Variants in IPO11 observed in about 807,000 individuals in gnomAD.
The protein encoded by IPO11 is importin-11.
In IPO11, 66 loss-of-function variants were observed where a neutral mutation model predicts 143.2. The ratio of observed to expected loss-of-function variants is 0.46; its 90% CI spans 0.38 to 0.57. IPO11 has a LOEUF of 0.57. Ranked by LOEUF, IPO11 falls within the 20% of genes least tolerant of loss-of-function variation. The pLI, the probability that IPO11 is intolerant of heterozygous loss-of-function variation, is 0.00. For missense variants in IPO11, 1,026 were observed against 1,141.0 expected, an observed-to-expected ratio of 0.90 and a Z score of 1.45; for synonymous variants, 385 against 377.8, an observed-to-expected ratio of 1.02 and a Z score of -0.22.
intron 27 of IPO11, among the ~76,000 whole-genome samples, chr5:62,563,159 T>C (rs1743827850): frequency 6.6e-6 from 1 of 152,224 alleles, no homozygotes; most frequent in Non-Finnish European, 1.5e-5. Context: ...AAATTTAAGT[T>C]ACCTACATTT....
intron 19 of IPO11, among the ~76,000 whole-genome samples, chr5:62,514,011 G>C (rs1235061888): frequency 6.6e-6 from 1 of 151,276 alleles, no homozygotes; most frequent in Non-Finnish European, 1.5e-5. Flanking sequence ...GGGCAGAGAC[G>C]CTCCTCACTT....
At chr5:62,620,382 G>T (rs1249426755) in intron 29 of IPO11, among the ~76,000 whole-genome samples, 2 of 152,132 alleles carry the variant, frequency 1.3e-5, no homozygotes, top group Non-Finnish European at 2.9e-5. Flanking sequence ...AGCCGGGTGT[G>T]GTGGCGGGTG....
intron 5 of IPO11, among the ~76,000 whole-genome samples, chr5:62,462,657 A>G (rs952571585): frequency 2.0e-5 from 3 of 152,136 alleles, no homozygotes; most frequent in African/African-American, 7.2e-5. Flanking sequence ...CAGCCTCCTG[A>G]GTAGCTGGGA....
At chr5:62,486,004 C>T (rs1313205283) in intron 12 of IPO11, among the ~76,000 whole-genome samples, 10 of 134,840 alleles carry the variant, frequency 7.4e-5, no homozygotes, top group African/African-American at 2.5e-4. Flanking sequence ...TTTTTTGAGA[C>T]AGAATCTCAC....
At position 62,423,439 on chromosome 5, in the gene IPO11, A is replaced by G. The variant is rs561381908; in HGVS notation, c.-7+10510A>G. ...AGTAAACAAGGAAGTAAGTACAGCA[A>G]TAGAAGTGTGTACTATGCAGAACAG... On this transcript the variant is annotated intron_variant, in intron 1 of 29. Transcript: ENST00000325324. 5.9e-5 allele frequency among the ~76,000 whole-genome samples: 9 copies of G among 152,346 alleles called. No homozygotes were observed. The East Asian group carries it at 1.5e-3, about 26-fold the overall frequency.
chr5:62,538,920 GGAGA>G (rs1011821311), intron 24 of IPO11, among the ~76,000 whole-genome samples: 6 of 152,174 alleles, frequency 3.9e-5, no homozygotes, highest in African/African-American at 1.4e-4. Flanking sequence ...ACAGGAGTAA[GGAGA>G]GAAATGCTGT....
At chr5:62,599,134 G>T (rs1422541420) in intron 28 of IPO11, among the ~76,000 whole-genome samples, 2 of 152,152 alleles carry the variant, frequency 1.3e-5, no homozygotes, top group East Asian at 1.9e-4. Flanking sequence ...AGACACTATG[G>T]GAGTGGGGCC....
intron 28 of IPO11, among the ~76,000 whole-genome samples, chr5:62,593,446 C>T (rs899056936): frequency 6.6e-6 from 1 of 151,936 alleles, no homozygotes; most frequent in African/African-American, 2.4e-5. Context: ...GTCTGGAATT[C>T]GAGACCAGCC....
intron 6 of IPO11, among the ~76,000 whole-genome samples, chr5:62,468,482 G>C (rs1403029456): frequency 6.6e-6 from 1 of 152,192 alleles, no homozygotes; most frequent in Admixed American, 6.5e-5. Context: ...ATCCATTGTA[G>C]AAGTAGTTAT....
intron 28 of IPO11, among the ~76,000 whole-genome samples, chr5:62,594,802 G>A (rs1745155475): frequency 6.6e-6 from 1 of 152,198 alleles, no homozygotes; most frequent in African/African-American, 2.4e-5. Context: ...AGGGGAGACA[G>A]GGACCAATGG....
chr5:62,503,393 T>TTAATATATTAATAGTATCTAC (rs1741421502), intron 16 of IPO11, among the ~76,000 whole-genome samples: 31 of 124,078 alleles, frequency 2.5e-4, no homozygotes, highest in Middle Eastern at 4.0e-3. Flanking sequence ...ATAGTATCTA[T>TTAATATATTAATAGTATCTAC]TAATATATTA....
chr5:62,579,943 A>G, intron 27 of IPO11: 2 of 1,551,298 alleles, frequency 1.3e-6, no homozygotes, highest in East Asian at 2.4e-5. Context: ...GAATCGCCTC[A>G]CTGTCCTTGG....
At chr5:62,596,070 G>A (rs1487580151) in intron 28 of IPO11, among the ~76,000 whole-genome samples, 1 of 148,758 alleles carries the variant, frequency 6.7e-6, no homozygotes, top group African/African-American at 2.5e-5. Flanking sequence ...ACCAGCCCTG[G>A]CAACATAGTG....
At position 62,459,284 on chromosome 5, in the gene IPO11, A is replaced by G. The variant is rs558107651; in HGVS notation, c.516+7351A>G. 5.9e-5 allele frequency among the ~76,000 whole-genome samples: 9 copies of G among 152,196 alleles called. No homozygotes were observed. In the South Asian group the frequency reaches 1.9e-3, roughly 32 times the overall value. ...ACTGGCAGGTTTGAAAACAAAATGA[A>G]AATTAGATTTTACTTTAAAAAGCAT... On this transcript the variant is annotated intron_variant, in intron 5 of 29. Transcript: ENST00000325324.
intron 28 of IPO11, among the ~76,000 whole-genome samples, chr5:62,598,714 A>G (rs1351129162): frequency 6.7e-6 from 1 of 149,618 alleles, no homozygotes; most frequent in Non-Finnish European, 1.5e-5. Flanking sequence ...CTGGCTAATT[A>G]TTGTATTTTT....
chr5:62,550,715 G>A (rs1383023451), intron 25 of IPO11, among the ~76,000 whole-genome samples: 2 of 152,186 alleles, frequency 1.3e-5, no homozygotes, highest in East Asian at 3.8e-4. Flanking sequence ...GGAATGGTGA[G>A]TGGCTTAATT....
chr5:62,607,559 T>C (rs897745456), intron 29 of IPO11, among the ~76,000 whole-genome samples: 10 of 152,350 alleles, frequency 6.6e-5, no homozygotes, highest in African/African-American at 2.4e-4. Flanking sequence ...ATGCATAAAA[T>C]ACATTTTCCT....
intron 1 of IPO11, among the ~76,000 whole-genome samples, chr5:62,416,440 C>T (rs2112087659): frequency 6.6e-6 from 1 of 152,156 alleles, no homozygotes. Context: ...CCTCAGCCTC[C>T]CAAAGTGCTG....
chr5:62,459,496 A>AT (rs1205676048), intron 5 of IPO11, among the ~76,000 whole-genome samples: 1 of 151,898 alleles, frequency 6.6e-6, no homozygotes, highest in Non-Finnish European at 1.5e-5. Flanking sequence ...GGCTTGATAC[A>AT]TTTTGGTAAT....
Sources: gnomAD v4.1 joint callset for allele counts (sites outside exome capture counted in the v4.1 genomes callset) on GRCh38, gnomAD v4.1.1 for gene constraint, MANE v1.5 for transcripts, NCBI Gene and HGNC (gene_info 2026-07-23, HGNC 2026-07-21) for gene names.